NRG3: variants seen among roughly 807,000 people sequenced by gnomAD.
NRG3 encodes the protein pro-neuregulin-3, membrane-bound isoform.
In NRG3, 31 loss-of-function variants were observed where a neutral mutation model predicts 66.9. The observed-to-expected ratio is 0.46, with a 90% CI of 0.35 to 0.63. The LOEUF (loss-of-function observed/expected upper bound fraction) is 0.63. Among genes scored for constraint, NRG3 ranks in the 20% least tolerant of loss-of-function variants. NRG3 has a pLI of 0.00. For missense variants in NRG3, 910 were observed against 878.9 expected (o/e 1.04, Z -0.45); for synonymous variants, 393 against 359.4 (o/e 1.09, Z -1.06).
chr10:82,367,924 G>A (rs2084645398), intron 2 of NRG3, among the ~76,000 whole-genome samples: 1 of 152,088 alleles, frequency 6.6e-6, no homozygotes, highest in African/African-American at 2.4e-5. Flanking sequence ...GAACCTAGAA[G>A]GTGGAACTTT....
rs868459171 is a variant in NRG3, at chr10:82,458,876, G to T, written c.953+100008G>T. On this transcript the variant is annotated intron_variant, in intron 2 of 8. Transcript: ENST00000372141. ...TTCCCCATGCCTCAGTGACTTGTGG[G>T]TAGAAATGAAGGCTTACTAATATTC... Among the ~76,000 whole-genome samples the T allele has an allele frequency of 4.3e-4, 65 of 152,308 alleles. No homozygotes were observed. In the Middle Eastern group the frequency reaches 0.02, roughly 48 times the overall value.
intron 1 of NRG3, among the ~76,000 whole-genome samples, chr10:82,259,745 T>C (rs755532457): frequency 6.6e-6 from 1 of 152,054 alleles, no homozygotes; most frequent in African/African-American, 2.4e-5. Flanking sequence ...CTGAGCTACA[T>C]AGTGAGACCT....
At chr10:81,978,290 A>G (rs1250458863) in intron 1 of NRG3, among the ~76,000 whole-genome samples, 1 of 152,190 alleles carries the variant, frequency 6.6e-6, no homozygotes, top group East Asian at 1.9e-4. Context: ...AAAGGGAAGG[A>G]ACTAGTTAAT....
intron 1 of NRG3, among the ~76,000 whole-genome samples, chr10:82,048,919 T>A (rs1003172137): frequency 6.6e-6 from 1 of 151,826 alleles, no homozygotes; most frequent in African/African-American, 2.4e-5. Context: ...AAAGGGGATA[T>A]CACCAGCGAT....
chr10:82,766,363 C>T (rs974650554), intron 3 of NRG3, among the ~76,000 whole-genome samples: 3 of 152,092 alleles, frequency 2.0e-5, no homozygotes, highest in African/African-American at 7.2e-5. Context: ...CTGAAGTGGT[C>T]AGCCTGAACA....
chr10:82,204,686 A>G (rs1424542105), intron 1 of NRG3, among the ~76,000 whole-genome samples: 1 of 152,096 alleles, frequency 6.6e-6, no homozygotes, highest in Non-Finnish European at 1.5e-5. Context: ...CTTCATTGCT[A>G]GGTATAAAAT....
chr10:82,478,709 A>G (rs1314275051), intron 2 of NRG3, among the ~76,000 whole-genome samples: 1 of 23,726 alleles, frequency 4.2e-5, no homozygotes, highest in Non-Finnish European at 2.0e-4. Context: ...GAGAAATCCG[A>G]TGGCTTGTGT....
At chr10:81,952,976 T>A (rs1457639984) in intron 1 of NRG3, among the ~76,000 whole-genome samples, 3 of 152,214 alleles carry the variant, frequency 2.0e-5, no homozygotes, top group Middle Eastern at 3.4e-3. Context: ...GAGCTGTTTG[T>A]CTCTCTGGCC....
At chr10:82,981,128 C>T (rs898217319) in intron 8 of NRG3, among the ~76,000 whole-genome samples, 1 of 152,096 alleles carries the variant, frequency 6.6e-6, no homozygotes, top group East Asian at 1.9e-4. Flanking sequence ...GAGCCTGTGC[C>T]AGGCTCAAGC....
chr10:82,021,925 G>A (rs1018705156), intron 1 of NRG3, among the ~76,000 whole-genome samples: 1 of 150,798 alleles, frequency 6.6e-6, no homozygotes, highest in Non-Finnish European at 1.5e-5. Context: ...CTGTTGCTGT[G>A]TTTTTTCCTA....
intron 5 of NRG3, among the ~76,000 whole-genome samples, chr10:82,954,917 G>A (rs1849892157): frequency 6.6e-6 from 1 of 151,514 alleles, no homozygotes; most frequent in South Asian, 2.1e-4. Context: ...ACTCATAAAG[G>A]AAAGTAGTTT....
intron 1 of NRG3, among the ~76,000 whole-genome samples, chr10:82,326,438 G>A (rs2081876515): frequency 6.6e-6 from 1 of 151,564 alleles, no homozygotes; most frequent in Admixed American, 6.6e-5. Flanking sequence ...AACTCTATGG[G>A]TTTATAATTT....
At chr10:82,292,497 A>G (rs2079807552) in intron 1 of NRG3, among the ~76,000 whole-genome samples, 1 of 152,194 alleles carries the variant, frequency 6.6e-6, no homozygotes, top group Non-Finnish European at 1.5e-5. Context: ...TTAACCCCTG[A>G]AAAATAAAAA....
At chr10:82,849,827 A>G (rs2063480660) in intron 3 of NRG3, among the ~76,000 whole-genome samples, 1 of 152,146 alleles carries the variant, frequency 6.6e-6, no homozygotes, top group African/African-American at 2.4e-5. Context: ...CATAGATTGT[A>G]TAGGTCCATT....
intron 2 of NRG3, among the ~76,000 whole-genome samples, chr10:82,579,345 T>A (rs2046220801): frequency 6.6e-6 from 1 of 151,900 alleles, no homozygotes; most frequent in South Asian, 2.1e-4. Flanking sequence ...GTTGATTTAA[T>A]TTGGCCAAAT....
chr10:82,628,369 C>T (rs886553758), intron 2 of NRG3, among the ~76,000 whole-genome samples: 4 of 151,968 alleles, frequency 2.6e-5, no homozygotes, highest in African/African-American at 9.7e-5. Context: ...GTAAGAACAT[C>T]CAGATTCTCA....
At chr10:82,975,113 A>G (rs1485990152) in intron 7 of NRG3, among the ~76,000 whole-genome samples, 1 of 152,218 alleles carries the variant, frequency 6.6e-6, no homozygotes. Context: ...ATTTATATCA[A>G]TGTTGCATTT....
At chr10:82,237,028 AC>A (rs1250885630) in intron 1 of NRG3, among the ~76,000 whole-genome samples, 1 of 151,992 alleles carries the variant, frequency 6.6e-6, no homozygotes, top group East Asian at 1.9e-4. Flanking sequence ...AAAAACTAGA[AC>A]TCTTAAACAC....
intron 1 of NRG3, among the ~76,000 whole-genome samples, chr10:82,181,060 CAT>C (rs1468555811): frequency 2.6e-5 from 4 of 151,678 alleles, no homozygotes; most frequent in African/African-American, 9.7e-5. Context: ...TTTAATTACT[CAT>C]AGTAATTTAT....
Sources: allele counts gnomAD v4.1 joint callset (sites outside exome capture counted in the v4.1 genomes callset), GRCh38; gene constraint gnomAD v4.1.1; transcripts MANE v1.5; gene names NCBI Gene and HGNC (gene_info 2026-07-23, HGNC 2026-07-21).